The following ZNF567 variants were observed in gnomAD, a reference collection of about 807,000 sequenced individuals.
The protein encoded by ZNF567 is zinc finger protein 567.
A neutral mutation model predicts 53.9 loss-of-function variants in ZNF567; 36 were observed. The ratio of observed to expected loss-of-function variants is 0.67; its 90% CI spans 0.51 to 0.88. The LOEUF (loss-of-function observed/expected upper bound fraction) is 0.88. ZNF567 is among the 40% of genes least tolerant of loss of function. The pLI is 0.00. For missense variants in ZNF567, 619 were observed against 764.7 expected, an observed-to-expected ratio of 0.81 and a Z score of 2.25; for synonymous variants, 224 against 260.4, an observed-to-expected ratio of 0.86 and a Z score of 1.35.
chr19:36,718,998 G>C lies in ZNF567; in HGVS notation c.274G>C (p.Glu92Gln). The C allele has an allele frequency of 6.3e-7, 1 of 1,584,530 alleles. No homozygotes were observed. The highest frequency in any genetic ancestry group is 8.5e-7 in the Non-Finnish European group (1 of 1,172,076). Reference protein sequence around the residue: ...DFLVKFKEHQEKYSRSVVSIN... With the variant: ...DFLVKFKEHQQKYSRSVVSIN... ...TTTAGTGAAATTCAAGGAACACCAA[G>C]AGAAGTATTCTAGATCAGTTGTAAG... The change falls in exon 6 of 6, where the codon GAG becomes CAG. Residue 92 changes from glutamate to glutamine, a missense_variant. Glu to Gln is a conservative substitution (Grantham distance 29). Transcript: ENST00000682579.
At chr19:36,667,626 G>A in the ZNF567 span, among the ~76,000 whole-genome samples, 23,546 of 149,078 alleles carry the variant, frequency 0.16, 2,273 homozygotes, top group Middle Eastern at 0.22. Flanking sequence ...AAAACTGTAC[G>A]TCATATATTT....
chr19:36,695,804 A>G (rs1415802044), intron 3 of ZNF567, among the ~76,000 whole-genome samples: 1 of 152,194 alleles, frequency 6.6e-6, no homozygotes, highest in African/African-American at 2.4e-5. Context: ...ATGAAAATGT[A>G]TTACTGAATG....
chr19:36,723,545 A>C (rs1205201226), downstream of ZNF567, among the ~76,000 whole-genome samples: 4 of 152,102 alleles, frequency 2.6e-5, no homozygotes, highest in African/African-American at 9.7e-5. Flanking sequence ...CAAACTTTGA[A>C]ACTTTTGAGG....
At chr19:36,694,938 T>C (rs950649911) in intron 3 of ZNF567, 62 bp downstream of exon 3, 67 of 1,485,742 alleles carry the variant, frequency 4.5e-5, no homozygotes, top group African/African-American at 2.7e-4. Flanking sequence ...TTAAGGATAT[T>C]TGGGCATGTG....
chr19:36,672,998 T>C, the ZNF567 span, among the ~76,000 whole-genome samples: 1 of 152,266 alleles, frequency 6.6e-6, no homozygotes, highest in Non-Finnish European at 1.5e-5. Flanking sequence ...TGAATGTGTA[T>C]ACAACACAGC....
chr19:36,699,977 G>A (rs1401662475), intron 3 of ZNF567, among the ~76,000 whole-genome samples: 1 of 105,418 alleles, frequency 9.5e-6, no homozygotes. Flanking sequence ...GGAGTGGTGA[G>A]AGAGGGCATC....
chr19:36,702,053 G>A (rs979322119), intron 3 of ZNF567, among the ~76,000 whole-genome samples: 128 of 151,960 alleles, frequency 8.4e-4, no homozygotes, highest in Non-Finnish European at 1.5e-3. Flanking sequence ...ATTTTGCAGC[G>A]GCTGGTACTG....
rs1471408352 is a variant in ZNF567, at chr19:36,720,942, T to C, written c.*274T>C. ...TTTTTAAAAATACTTATATAATACA[T>C]GCAGAGACAAGATACACAATGATTA... On this transcript the variant is annotated 3_prime_UTR_variant, in exon 6 of 6. Transcript: ENST00000682579. The C allele has an allele frequency of 1.4e-5, 3 of 215,170 alleles. No homozygotes were observed. Among genetic ancestry groups the C allele is most frequent in the Non-Finnish European group, 1.8e-5 (2 of 108,596 alleles). The allele number at this position is 215,170 out of a possible 1,614,324, so 13.3% of individuals were successfully genotyped here. A position where few individuals can be genotyped will look rare whatever the true frequency, so the allele number is the denominator to read the frequency against.
In ZNF567 at chr19:36,694,929, T is replaced by A. The variant is rs200130316; in HGVS notation, c.9+53T>A. On this transcript the variant is annotated intron_variant, in intron 3 of 5. Transcript: ENST00000682579. ...TGAAAGTCTTTTTTTTTTTTTTTTT[T>A]AAGGATATTTGGGCATGTGTCGGTC... 29 of 1,232,724 alleles carry A rather than the reference T, an allele frequency of 2.4e-5. 1 individual carries two copies. In the African/African-American group the frequency reaches 3.1e-4, roughly 13 times the overall value. The allele number at this position is 1,232,724 out of a possible 1,614,324, so 76.4% of individuals were successfully genotyped here. A position where few individuals can be genotyped will look rare whatever the true frequency, so the allele number is the denominator to read the frequency against.
intron 3 of ZNF567, among the ~76,000 whole-genome samples, chr19:36,701,262 GT>G (rs1158877237): frequency 2.0e-5 from 3 of 152,068 alleles, no homozygotes; most frequent in Admixed American, 1.3e-4. Flanking sequence ...TTGAGTTCTA[GT>G]TTGATTGCAC....
At chr19:36,698,352 C>A (rs1024100297) in intron 3 of ZNF567, among the ~76,000 whole-genome samples, 3 of 151,832 alleles carry the variant, frequency 2.0e-5, no homozygotes, top group Admixed American at 2.0e-4. Flanking sequence ...GGTTCCAAGT[C>A]TTTGCTATTG....
chr19:36,700,845 C>T, intron 3 of ZNF567, among the ~76,000 whole-genome samples: 1 of 151,956 alleles, frequency 6.6e-6, no homozygotes, highest in South Asian at 2.1e-4. Flanking sequence ...AGCGGTCTAT[C>T]AATTTTGTTG....
At position 36,720,155 on chromosome 19, in the gene ZNF567, T is replaced by C. The variant is rs1446677640; in HGVS notation, c.1431T>C (p.Tyr477=). Residue 477 remains tyrosine (Y), a synonymous_variant, in exon 6 of 6, where the codon TAT becomes TAC. Coordinates refer to ENST00000682579, the MANE Select transcript of ZNF567 (RefSeq NM_001322917.1). The part of the protein sequence containing the change: ...HQRTHTGEKS[Y]ECPHCGKAFR... ...GAACACATACAGGGGAGAAATCTTA[T>C]GAATGTCCTCACTGTGGGAAGGCCT... The C allele has an allele frequency of 9.3e-6, 15 of 1,613,814 alleles. No homozygotes were observed. The highest frequency in any genetic ancestry group is 1.6e-4 in the Middle Eastern group (1 of 6,080).
At chr19:36,671,907 C>G in the ZNF567 span, among the ~76,000 whole-genome samples, 1 of 152,242 alleles carries the variant, frequency 6.6e-6, no homozygotes, top group Non-Finnish European at 1.5e-5. Flanking sequence ...CAGGCCTAAG[C>G]AGGCCCTGAA....
At chr19:36,708,341 C>T (rs2039605462) in intron 3 of ZNF567, among the ~76,000 whole-genome samples, 1 of 152,014 alleles carries the variant, frequency 6.6e-6, no homozygotes, top group African/African-American at 2.4e-5. Context: ...TGTTATGTTA[C>T]GTTAAAGAAT....
downstream of ZNF567, among the ~76,000 whole-genome samples, chr19:36,726,247 A>G (rs1380907915): frequency 6.6e-6 from 1 of 152,172 alleles, no homozygotes; most frequent in African/African-American, 2.4e-5. Context: ...TGTATTTATC[A>G]TATAATTCTG....
intron 3 of ZNF567, among the ~76,000 whole-genome samples, chr19:36,703,077 T>C (rs1214299759): frequency 2.0e-5 from 3 of 152,166 alleles, no homozygotes; most frequent in Non-Finnish European, 4.4e-5. Flanking sequence ...TGGTCTTTGA[T>C]GATGGTGATG....
intron 3 of ZNF567, among the ~76,000 whole-genome samples, chr19:36,704,765 A>G (rs1352661375): frequency 6.6e-6 from 1 of 152,164 alleles, no homozygotes; most frequent in African/African-American, 2.4e-5. Context: ...GAAAGAATTT[A>G]TATAGAATTG....
chr19:36,702,772 C>G lies in ZNF567; in HGVS notation c.9+7896C>G, dbSNP rs1041787506. The stretch of plus-strand genomic sequence containing the variant: ...AGTTCTCGAGCCTTGGCTTTCAGCT[C>G]CATCAGCTCCTTTAAGCACTTCTCT... On this transcript the variant is annotated intron_variant, in intron 3 of 5. Coordinates refer to ENST00000682579, the MANE Select transcript of ZNF567 (RefSeq NM_001322917.1). 1.4e-3 allele frequency among the ~76,000 whole-genome samples: 219 copies of G among 152,326 alleles called. 1 individual carries two copies. Among genetic ancestry groups the G allele is most frequent in the African/African-American group, 5.1e-3 (212 of 41,564 alleles).
Sources: allele counts gnomAD v4.1 joint callset (sites outside exome capture counted in the v4.1 genomes callset), GRCh38; gene constraint gnomAD v4.1.1; transcripts MANE v1.5; gene names NCBI Gene and HGNC (gene_info 2026-07-23, HGNC 2026-07-21).